EBF1: variants seen among roughly 807,000 people sequenced by gnomAD.
The protein encoded by EBF1 is transcription factor COE1.
EBF1 carries 10 observed loss-of-function variants against 68.4 expected under a neutral mutation model. The observed-to-expected ratio is 0.15, with a 90% confidence interval of 0.09 to 0.25. The LOEUF (loss-of-function observed/expected upper bound fraction) is 0.25. Ranked by LOEUF, EBF1 falls within the 10% of genes least tolerant of loss-of-function variation. The pLI, the probability that EBF1 is intolerant of heterozygous loss-of-function variation, is 1.00. For missense variants in EBF1, 509 were observed against 794.4 expected, an observed-to-expected ratio of 0.64 and a Z score of 4.32; for synonymous variants, 298 against 299.8, an observed-to-expected ratio of 0.99 and a Z score of 0.06.
intron 4 of EBF1, among the ~76,000 whole-genome samples, chr5:159,093,183 C>T (rs764753386): frequency 2.0e-5 from 3 of 152,152 alleles, no homozygotes; most frequent in Non-Finnish European, 2.9e-5. Context: ...AGAAGCTAAC[C>T]TACTTCCAAA....
At chr5:158,908,052 G>A (rs1328191191) in intron 6 of EBF1, among the ~76,000 whole-genome samples, 1 of 152,106 alleles carries the variant, frequency 6.6e-6, no homozygotes, top group Admixed American at 6.5e-5. Flanking sequence ...CCGAGTTTTG[G>A]CAGACAAAAA....
chr5:158,861,480 T>A (rs376984554), intron 6 of EBF1, among the ~76,000 whole-genome samples: 1 of 152,190 alleles, frequency 6.6e-6, no homozygotes, highest in Non-Finnish European at 1.5e-5. Flanking sequence ...CAGTAGAGAA[T>A]TGAGTCTCTC....
intron 10 of EBF1, among the ~76,000 whole-genome samples, chr5:158,770,069 A>G (rs542178227): frequency 1.8e-4 from 28 of 152,248 alleles, no homozygotes; most frequent in African/African-American, 6.5e-4. Flanking sequence ...AACAATTAAC[A>G]TATGTATAGA....
intron 7 of EBF1, among the ~76,000 whole-genome samples, chr5:158,826,904 C>T (rs1786272286): frequency 1.3e-5 from 2 of 152,082 alleles, no homozygotes; most frequent in Admixed American, 6.5e-5. Flanking sequence ...TATTCCAATC[C>T]CCCTCTATTT....
chr5:158,823,880 C>T (rs763489377), intron 7 of EBF1, among the ~76,000 whole-genome samples: 3 of 152,106 alleles, frequency 2.0e-5, no homozygotes, highest in South Asian at 2.1e-4. Context: ...ACTACTATTA[C>T]CATCACCCCA....
At chr5:158,928,384 A>G (rs1159149253) in intron 6 of EBF1, among the ~76,000 whole-genome samples, 1 of 152,242 alleles carries the variant, frequency 6.6e-6, no homozygotes, top group Non-Finnish European at 1.5e-5. Context: ...GAGCCCTGTT[A>G]CTTATCACAT....
chr5:158,859,691 C>T (rs1487520401), intron 6 of EBF1, among the ~76,000 whole-genome samples: 1 of 152,182 alleles, frequency 6.6e-6, no homozygotes, highest in African/African-American at 2.4e-5. Context: ...CACTTCCCAC[C>T]TTCAAGCCTC....
chr5:158,868,501 A>G lies in EBF1; in HGVS notation c.555-28391T>C, dbSNP rs541135271. Among the ~76,000 whole-genome samples the G allele has an allele frequency of 2.6e-5, 4 of 152,278 alleles. No individual in the cohort carries two copies. The South Asian group carries it at 8.3e-4, about 32-fold the overall frequency. On this transcript the variant is annotated intron_variant, in intron 6 of 15. Transcript: ENST00000313708. ...TTTTTTCTGGGATCTGTGAATGTCTAGTTCAAGGACTAACACCCTTCACGT... is the reference window on the plus strand; with the variant it reads ...TTTTTTCTGGGATCTGTGAATGTCTGGTTCAAGGACTAACACCCTTCACGT...
intron 6 of EBF1, among the ~76,000 whole-genome samples, chr5:158,875,073 A>ACG (rs1317966368): frequency 6.6e-6 from 1 of 151,436 alleles, no homozygotes; most frequent in African/African-American, 2.4e-5. Context: ...ACACACACAC[A>ACG]CACACACACA....
rs149121036 is a variant in EBF1, at chr5:158,861,246, C to T, written c.555-21136G>A. ...AGGTGAAGAGAAACATTATTAATGG[C>T]GTCTATCAAATGCGGATTTGTGAAA... On this transcript the variant is annotated intron_variant, in intron 6 of 15. Transcript: ENST00000313708. Among the ~76,000 whole-genome samples the T allele has an allele frequency of 7.2e-5, 11 of 152,232 alleles. No individual in the cohort carries two copies. In the East Asian group the frequency reaches 1.2e-3, roughly 16 times the overall value.
At chr5:158,760,414 G>T (rs10060147) in intron 10 of EBF1, among the ~76,000 whole-genome samples, 9 of 152,078 alleles carry the variant, frequency 5.9e-5, no homozygotes, top group Non-Finnish European at 1.2e-4. Flanking sequence ...GATCTGTTCG[G>T]CCCCTAAATG....
chr5:159,065,615 CT>C (rs1414377641), intron 6 of EBF1, among the ~76,000 whole-genome samples: 9 of 151,684 alleles, frequency 5.9e-5, no homozygotes, highest in Non-Finnish European at 1.2e-4. Flanking sequence ...CAAAAAAGTT[CT>C]TGAGGGATTC....
At chr5:159,018,580 G>A (rs1766062341) in intron 6 of EBF1, among the ~76,000 whole-genome samples, 2 of 152,134 alleles carry the variant, frequency 1.3e-5, no homozygotes, top group East Asian at 1.9e-4. Context: ...GAAATCAGAA[G>A]GATAATTGCA....
chr5:158,833,147 A>T (rs1367459962), intron 7 of EBF1, among the ~76,000 whole-genome samples: 3 of 151,962 alleles, frequency 2.0e-5, no homozygotes, highest in Non-Finnish European at 4.4e-5. Context: ...CTAAAAAAAA[A>T]ATCTAAAAAT....
At chr5:158,850,394 T>C (rs968233333) in intron 6 of EBF1, among the ~76,000 whole-genome samples, 4 of 152,196 alleles carry the variant, frequency 2.6e-5, no homozygotes, top group African/African-American at 9.6e-5. Context: ...GACAACCCAG[T>C]CCCTTCCCTT....
At chr5:158,729,104 C>T (rs1039596266) in intron 11 of EBF1, among the ~76,000 whole-genome samples, 1 of 152,234 alleles carries the variant, frequency 6.6e-6, no homozygotes. Context: ...TCTCACTCAA[C>T]TGGCAAATCA....
At chr5:158,791,763 G>T (rs943091869) in intron 9 of EBF1, among the ~76,000 whole-genome samples, 5 of 151,984 alleles carry the variant, frequency 3.3e-5, no homozygotes, top group Non-Finnish European at 5.9e-5. Context: ...AACTTAGCGT[G>T]AATTGTAAAC....
chr5:159,074,768 T>C (rs995464753), intron 5 of EBF1, among the ~76,000 whole-genome samples: 4 of 152,222 alleles, frequency 2.6e-5, no homozygotes, highest in Admixed American at 2.6e-4. Flanking sequence ...CTGTATCTCC[T>C]TTGTCAAAGC....
At chr5:158,966,316 G>C (rs1334817072) in intron 6 of EBF1, among the ~76,000 whole-genome samples, 1 of 152,114 alleles carries the variant, frequency 6.6e-6, no homozygotes, top group Non-Finnish European at 1.5e-5. Flanking sequence ...GACCCATATT[G>C]ACCAAAAGGT....
Sources: gnomAD v4.1 joint callset for allele counts (sites outside exome capture counted in the v4.1 genomes callset) on GRCh38, gnomAD v4.1.1 for gene constraint, MANE v1.5 for transcripts, NCBI Gene and HGNC (gene_info 2026-07-23, HGNC 2026-07-21) for gene names.